The following L2HGDH variants were observed in gnomAD, a reference collection of about 807,000 sequenced individuals.
L2HGDH encodes the protein L-2-hydroxyglutarate dehydrogenase.
In L2HGDH, 34 loss-of-function variants were observed where a neutral mutation model predicts 51.5. That is an observed-to-expected ratio of 0.66 (90% confidence interval 0.50 to 0.88). L2HGDH has a LOEUF of 0.88. L2HGDH is among the 40% of genes least tolerant of loss of function. The pLI, the probability that L2HGDH is intolerant of heterozygous loss-of-function variation, is 0.00. For missense variants in L2HGDH, 558 were observed against 571.9 expected, an observed-to-expected ratio of 0.98 and a Z score of 0.25; for synonymous variants, 198 against 197.9, an observed-to-expected ratio of 1.00 and a Z score of -0.01.
In L2HGDH at chr14:50,274,353, C is replaced by A. The variant is rs145954458; in HGVS notation, c.738+4167G>T. 3.4e-3 allele frequency among the ~76,000 whole-genome samples: 509 copies of A among 151,788 alleles called. 2 individuals are homozygous for A. The highest frequency in any genetic ancestry group is 5.8e-3 in the Non-Finnish European group (397 of 67,952). On this transcript the variant is annotated intron_variant, in intron 6 of 9. Transcript: ENST00000267436. ...TATTTTTTCAAAGATATACACATAGCCAACTGATATATGTAAAGGTGTTCA... is the reference window on the plus strand; with the variant it reads ...TATTTTTTCAAAGATATACACATAGACAACTGATATATGTAAAGGTGTTCA...
intron 9 of L2HGDH, among the ~76,000 whole-genome samples, chr14:50,251,690 A>G (rs1888361098): frequency 6.6e-6 from 1 of 152,100 alleles, no homozygotes. Flanking sequence ...TTCAGTGGAA[A>G]CCTTACAGGC....
Position 50,247,122 on chromosome 14 carries a change from G to A in L2HGDH, c.1328C>T (p.Ala443Val). ...LHVRNAPSPAATSSIAISGMI... is the reference protein window; with the variant it reads ...LHVRNAPSPAVTSSIAISGMI... Reference sequence around the variant, plus strand: ...TCCAGAAATTGCAATGGAAGAAGTAGCAGCAGGAGAAGGTGCATTTCTCAC... The same window carrying A: ...TCCAGAAATTGCAATGGAAGAAGTAACAGCAGGAGAAGGTGCATTTCTCAC... Residue 443 changes from alanine (A) to valine (V), a missense_variant, in exon 10 of 10, where the codon GCT (alanine) becomes GTT (valine). By Grantham distance (64) the Ala-to-Val change is moderately conservative (BLOSUM62 0). Coordinates refer to ENST00000267436, the MANE Select transcript of L2HGDH (RefSeq NM_024884.3). The A allele has an allele frequency of 6.2e-7, 1 of 1,613,904 alleles. No individual in the cohort carries two copies. Among genetic ancestry groups the A allele is most frequent in the Non-Finnish European group, 8.5e-7 (1 of 1,179,846 alleles).
At chr14:50,251,406 T>C (rs1566501435) in intron 9 of L2HGDH, among the ~76,000 whole-genome samples, 2 of 151,654 alleles carry the variant, frequency 1.3e-5, no homozygotes, top group South Asian at 4.2e-4. Context: ...AATCTAAGAG[T>C]TATTGGCCTA....
At chr14:50,260,999 C>A (rs897463730) in intron 9 of L2HGDH, among the ~76,000 whole-genome samples, 1 of 152,014 alleles carries the variant, frequency 6.6e-6, no homozygotes, top group African/African-American at 2.4e-5. Context: ...CGCCTGTAAT[C>A]CCAGCTGCTC....
chr14:50,306,898 T>C (rs770959550), intron 1 of L2HGDH, among the ~76,000 whole-genome samples: 7 of 152,004 alleles, frequency 4.6e-5, no homozygotes, highest in Non-Finnish European at 1.0e-4. Flanking sequence ...TCACTGCAGC[T>C]TCCCACTCCC....
chr14:50,280,165 CTT>C (rs1258447852), intron 5 of L2HGDH, among the ~76,000 whole-genome samples: 12 of 141,030 alleles, frequency 8.5e-5, no homozygotes, highest in Admixed American at 1.4e-4. Context: ...TGGGTCACTG[CTT>C]TTTTTTTTTT....
At chr14:50,306,378 T>C (rs2030728346) in intron 1 of L2HGDH, among the ~76,000 whole-genome samples, 1 of 152,116 alleles carries the variant, frequency 6.6e-6, no homozygotes, top group South Asian at 2.1e-4. Context: ...AGTTGATATC[T>C]ATATCAATTA....
intron 1 of L2HGDH, among the ~76,000 whole-genome samples, chr14:50,305,876 C>A (rs2030691215): frequency 6.6e-6 from 1 of 152,196 alleles, no homozygotes; most frequent in Non-Finnish European, 1.5e-5. Context: ...TACCTTAAGT[C>A]ATCTCTGGAT....
chr14:50,245,849 T>C lies in L2HGDH; in HGVS notation c.*1209A>G. On this transcript the variant is annotated 3_prime_UTR_variant, in exon 10 of 10. Coordinates refer to ENST00000267436, the MANE Select transcript of L2HGDH (RefSeq NM_024884.3). ...AAAGTCAGGGATTCAGGGCTGAGCA[T>C]GATGGCTCGCACCTGTAATCCCAGC... 2.0e-6 allele frequency: 2 copies of C among 983,516 alleles called. No homozygotes were observed. The highest frequency in any genetic ancestry group is 1.7e-5 in the African/African-American group (1 of 57,310). 60.9% of individuals were successfully genotyped at this position (983,516 alleles called of 1,614,324 possible).
intron 9 of L2HGDH, among the ~76,000 whole-genome samples, chr14:50,254,850 G>A (rs576530960): frequency 6.6e-6 from 1 of 151,838 alleles, no homozygotes; most frequent in Admixed American, 6.6e-5. Context: ...ACCAGCCTGG[G>A]CAACATGGTG....
intron 1 of L2HGDH, among the ~76,000 whole-genome samples, chr14:50,304,226 T>C (rs1292994789): frequency 6.6e-6 from 1 of 152,190 alleles, no homozygotes; most frequent in Non-Finnish European, 1.5e-5. Context: ...AGAAAAAATA[T>C]GGTATTATAA....
intron 9 of L2HGDH, among the ~76,000 whole-genome samples, chr14:50,253,446 C>A (rs1888481741): frequency 6.6e-6 from 1 of 152,194 alleles, no homozygotes; most frequent in South Asian, 2.1e-4. Context: ...CTCAACATCA[C>A]TGATCATCAG....
At chr14:50,265,988 G>A (rs1437222795) in intron 8 of L2HGDH, among the ~76,000 whole-genome samples, 1 of 151,984 alleles carries the variant, frequency 6.6e-6, no homozygotes, top group Non-Finnish European at 1.5e-5. Context: ...ATCAGCTCAG[G>A]AGGTAAACAG....
intron 2 of L2HGDH, among the ~76,000 whole-genome samples, chr14:50,302,527 A>C (rs555658772): frequency 1.3e-5 from 2 of 152,308 alleles, no homozygotes; most frequent in African/African-American, 4.8e-5. Context: ...AATAGAGAGA[A>C]GAGCCGATGG....
At position 50,243,996 on chromosome 14, in the gene L2HGDH, T is replaced by C. The variant is rs918752651; in HGVS notation, c.*3062A>G. The C allele has an allele frequency of 1.3e-5, 2 of 151,066 alleles. No homozygotes were observed. Among genetic ancestry groups the C allele is most frequent in the African/African-American group, 4.9e-5 (2 of 41,176 alleles). 9.4% of individuals were successfully genotyped at this position (151,066 alleles called of 1,614,324 possible). A position where few individuals can be genotyped will look rare whatever the true frequency, so the allele number is the denominator to read the frequency against. ...TGATTTCCAATTTCATCCATGTCCC[T>C]ACAAAGGACATGAACTCATCATTTT... On this transcript the variant is annotated 3_prime_UTR_variant, in exon 10 of 10. Transcript: ENST00000267436.
chr14:50,254,301 C>A, intron 9 of L2HGDH, among the ~76,000 whole-genome samples: 1 of 151,078 alleles, frequency 6.6e-6, no homozygotes, highest in Non-Finnish European at 1.5e-5. Context: ...TCTTATGTAC[C>A]CCAAAAATAT....
intron 4 of L2HGDH, among the ~76,000 whole-genome samples, chr14:50,290,499 C>CT (rs1890813509): frequency 6.6e-6 from 1 of 152,066 alleles, no homozygotes; most frequent in Admixed American, 6.6e-5. Context: ...GGTAGGCAAC[C>CT]TTTTTTATAA....
At chr14:50,303,087 T>A in intron 1 of L2HGDH, 70 bp from the exon 2 acceptor site, 1 of 926,288 alleles carries the variant, frequency 1.1e-6, no homozygotes, top group Non-Finnish European at 1.8e-6. Context: ...ACATGCATAA[T>A]TTTCATCAAT....
At chr14:50,285,885 C>G (rs1213297525) in intron 4 of L2HGDH, among the ~76,000 whole-genome samples, 1 of 152,128 alleles carries the variant, frequency 6.6e-6, no homozygotes, top group Non-Finnish European at 1.5e-5. Flanking sequence ...TTGGCCTTTC[C>G]TCTCCTCCTA....
Sources: allele counts gnomAD v4.1 joint callset (sites outside exome capture counted in the v4.1 genomes callset), GRCh38; gene constraint gnomAD v4.1.1; transcripts MANE v1.5; gene names NCBI Gene and HGNC (gene_info 2026-07-23, HGNC 2026-07-21).